Variants in GRIK5 observed in about 807,000 individuals in gnomAD.
GRIK5 encodes the protein glutamate receptor ionotropic, kainate 5.
A neutral mutation model predicts 97.4 loss-of-function variants in GRIK5; 43 were observed. That is an observed-to-expected ratio of 0.44 (90% CI 0.35 to 0.57). GRIK5 has a LOEUF of 0.57. GRIK5 is among the 20% of genes least tolerant of loss of function. GRIK5 has a pLI of 0.01. For missense variants in GRIK5, 1,015 were observed against 1,382.0 expected (o/e 0.73, Z 4.21); for synonymous variants, 580 against 583.5 (o/e 0.99, Z 0.09).
chr19:42,062,701 C>T lies in GRIK5; in HGVS notation c.343-48G>A, dbSNP rs2076275857. On this transcript the variant is annotated intron_variant, in intron 4 of 19. Coordinates refer to ENST00000593562, the MANE Select transcript of GRIK5 (RefSeq NM_002088.5). The surrounding 1 kb of genome is among the most constrained non-coding windows in gnomAD (Gnocchi z 5.3). ...CCTCCATCCTGCTTCTCCGCCCAGC[C>T]CTCGCCTCCCAGGGACCCGCTCCCC... 1.2e-6 allele frequency: 2 copies of T among 1,613,328 alleles called. No homozygotes were observed. The highest frequency in any genetic ancestry group is 4.5e-5 in the East Asian group (2 of 44,864).
At chr19:42,056,579 T>G in intron 8 of GRIK5, 83 bp downstream of exon 8, 113 of 1,208,478 alleles carry the variant, frequency 9.4e-5, no homozygotes, top group Non-Finnish European at 1.3e-4. Context: ...GTTCTGAGCA[T>G]GATCTGAGTG....
In GRIK5 at chr19:42,042,800, T is replaced by C. The variant is rs1311637092; in HGVS notation, c.1270-45A>G. ...CAGGGGTCAGAGGCTGGGTGTCTAG[T>C]GGCTGGGTTGCGGATCCTGGAGCCC... On this transcript the variant is annotated intron_variant, in intron 11 of 19. Coordinates refer to ENST00000593562, the MANE Select transcript of GRIK5 (RefSeq NM_002088.5). The surrounding 1 kb of genome is among the most constrained non-coding windows in gnomAD (Gnocchi z 6.9). 1.3e-6 allele frequency: 2 copies of C among 1,518,336 alleles called. No homozygotes were observed. Among genetic ancestry groups the C allele is most frequent in the East Asian group, 2.3e-5 (1 of 43,636 alleles). 94.1% of individuals were successfully genotyped at this position (1,518,336 alleles called of 1,614,324 possible). A position where few individuals can be genotyped will look rare whatever the true frequency, so the allele number is the denominator to read the frequency against.
chr19:42,065,324 C>T lies in GRIK5; in HGVS notation c.143G>A (p.Arg48Gln). 3.7e-6 allele frequency: 6 copies of T among 1,611,568 alleles called. No individual in the cohort carries two copies. The highest frequency in any genetic ancestry group is 2.2e-5 in the South Asian group (2 of 90,978). Residue 48 changes from arginine to glutamine, a missense_variant, in exon 3 of 20, where the codon CGG becomes CAG. By Grantham distance (43) the Arg-to-Gln change is conservative (BLOSUM62 1). Coordinates refer to ENST00000593562, the MANE Select transcript of GRIK5 (RefSeq NM_002088.5). This position sits in a 1 kb window ranked among gnomAD's most constrained non-coding sequence, Gnocchi z 5.8. ...RGERLALALA[R>Q]EQINGIIEVP... ...CTCGATGATCCCGTTGATCTGCTCC[C>T]GGGCCAAGGCCAAGGCCAGACGCTC...
Position 41,998,891 on chromosome 19 carries a change from C to A in GRIK5, c.2923G>T (p.Glu975Ter). ...RPRPGPAGPR[E>*]LAEHE ...CGTGGTCACTCGTGCTCCGCCAGCTCCCGGGGGCCGGCGGGGCCAGGCCGC... is the reference window on the plus strand; with the variant it reads ...CGTGGTCACTCGTGCTCCGCCAGCTACCGGGGGCCGGCGGGGCCAGGCCGC... Residue 975 changes from glutamate (E) to a stop codon, truncating the protein, a stop_gained, in exon 20 of 20, where the codon GAG becomes TAG. Transcript: ENST00000593562. LOFTEE classifies it high-confidence loss of function. 8.9e-7 allele frequency: 1 copy of A among 1,119,962 alleles called. No individual in the cohort carries two copies. The highest frequency in any genetic ancestry group is 4.3e-5 in the South Asian group (1 of 23,284). 69.4% of individuals were successfully genotyped at this position (1,119,962 alleles called of 1,614,324 possible).
At chr19:42,018,904 C>T (rs575787018) in intron 15 of GRIK5, among the ~76,000 whole-genome samples, 13 of 152,202 alleles carry the variant, frequency 8.5e-5, no homozygotes, top group Admixed American at 7.8e-4. Context: ...CCCACGAGGG[C>T]GGGGACTGGC....
chr19:42,012,866 CAA>C (rs57198505), intron 15 of GRIK5, among the ~76,000 whole-genome samples: 9 of 104,592 alleles, frequency 8.6e-5, no homozygotes, highest in Non-Finnish European at 1.2e-4. Context: ...GATATTGCCT[CAA>C]AAAAAAAAAA....
Position 42,003,697 on chromosome 19 carries a change from C to A in GRIK5, c.2264-14G>T. On this transcript the variant is annotated splice_polypyrimidine_tract_variant and intron_variant, in intron 17 of 19. Coordinates refer to ENST00000593562, the MANE Select transcript of GRIK5 (RefSeq NM_002088.5). The surrounding 1 kb of genome is among the most constrained non-coding windows in gnomAD (Gnocchi z 4.2). ...GGAACGGGGAGCCTGGGCAGGCACA[C>A]GAGGGGCTGGACCAGCCATCGGGCC... 1 of 1,600,814 alleles carries A rather than the reference C, an allele frequency of 6.2e-7. No individual in the cohort carries two copies. The highest frequency in any genetic ancestry group is 8.5e-7 in the Non-Finnish European group (1 of 1,173,414).
Position 41,999,400 on chromosome 19 carries a change from G to T in GRIK5, c.2515-101C>A. On this transcript the variant is annotated intron_variant, in intron 19 of 19. Coordinates refer to ENST00000593562, the MANE Select transcript of GRIK5 (RefSeq NM_002088.5). This position sits in a 1 kb window ranked among gnomAD's most constrained non-coding sequence, Gnocchi z 5.0. ...TCCTCCTCCTCCTTTCCTCGCCCGGGTCTTTCTTCCTTCTGCCCTCGCTTC... is the reference window on the plus strand; with the variant it reads ...TCCTCCTCCTCCTTTCCTCGCCCGGTTCTTTCTTCCTTCTGCCCTCGCTTC... The T allele has an allele frequency of 2.2e-6, 2 of 912,746 alleles. No homozygotes were observed. Among genetic ancestry groups the T allele is most frequent in the Non-Finnish European group, 3.1e-6 (2 of 636,640 alleles). The allele number at this position is 912,746 out of a possible 1,614,324, so 56.5% of individuals were successfully genotyped here. A position where few individuals can be genotyped will look rare whatever the true frequency, so the allele number is the denominator to read the frequency against.
At position 42,006,143 on chromosome 19, in the gene GRIK5, C is replaced by A. The variant is rs1374714797; in HGVS notation, c.2038-195G>T. On this transcript the variant is annotated intron_variant, in intron 16 of 19. Transcript: ENST00000593562. This position sits in a 1 kb window ranked among gnomAD's most constrained non-coding sequence, Gnocchi z 5.3. ...GGCCAGGTCCAAGTCATCCCCACAGCCACTGTGCCCACCACCCACCTGGGG... is the reference window on the plus strand; with the variant it reads ...GGCCAGGTCCAAGTCATCCCCACAGACACTGTGCCCACCACCCACCTGGGG... Among the ~76,000 whole-genome samples, 2 of 152,150 alleles carry A rather than the reference C, an allele frequency of 1.3e-5. No homozygotes were observed. The highest frequency in any genetic ancestry group is 1.3e-4 in the Admixed American group (2 of 15,272).
At position 42,042,906 on chromosome 19, in the gene GRIK5, T is replaced by C. The variant is rs2075997027; in HGVS notation, c.1270-151A>G. The C allele has an allele frequency of 1.6e-6, 1 of 645,028 alleles. No individual in the cohort carries two copies. Among genetic ancestry groups the C allele is most frequent in the Non-Finnish European group, 2.7e-6 (1 of 373,232 alleles). 40.0% of individuals were successfully genotyped at this position (645,028 alleles called of 1,614,324 possible). On this transcript the variant is annotated intron_variant, in intron 11 of 19. Transcript: ENST00000593562. This position sits in a 1 kb window ranked among gnomAD's most constrained non-coding sequence, Gnocchi z 6.9. ...GTACACATTTCTCACTTACAAATGCTCAGAGTGGGGAATAGACCTGAAAGC... is the reference window on the plus strand; with the variant it reads ...GTACACATTTCTCACTTACAAATGCCCAGAGTGGGGAATAGACCTGAAAGC...
Position 42,065,532 on chromosome 19 carries a change from G to T in GRIK5, c.80-145C>A. On this transcript the variant is annotated intron_variant, in intron 2 of 19. Coordinates refer to ENST00000593562, the MANE Select transcript of GRIK5 (RefSeq NM_002088.5). The surrounding 1 kb of genome is among the most constrained non-coding windows in gnomAD (Gnocchi z 5.8). ...GGATCTGAGGTTGGTGGGAGCTAGGGGTCTGGACTCCTGGGTCCTGGGGGA... is the reference window on the plus strand; with the variant it reads ...GGATCTGAGGTTGGTGGGAGCTAGGTGTCTGGACTCCTGGGTCCTGGGGGA... 1.0e-6 allele frequency: 1 copy of T among 980,198 alleles called. No homozygotes were observed. Among genetic ancestry groups the T allele is most frequent in the Non-Finnish European group, 1.5e-6 (1 of 670,016 alleles). The allele number at this position is 980,198 out of a possible 1,614,324, so 60.7% of individuals were successfully genotyped here. A position where few individuals can be genotyped will look rare whatever the true frequency, so the allele number is the denominator to read the frequency against.
chr19:42,062,059 C>T lies in GRIK5; in HGVS notation c.508+429G>A, dbSNP rs2076266486. On this transcript the variant is annotated intron_variant, in intron 5 of 19. Coordinates refer to ENST00000593562, the MANE Select transcript of GRIK5 (RefSeq NM_002088.5). The surrounding 1 kb of genome is among the most constrained non-coding windows in gnomAD (Gnocchi z 5.3). ...TTCTTCCCACACCCTTCAGGTTCAG[C>T]TTGGATGTCTCTTTCTCATAGACAC... Among the ~76,000 whole-genome samples the T allele has an allele frequency of 6.6e-6, 1 of 152,316 alleles. No individual in the cohort carries two copies. Among genetic ancestry groups the T allele is most frequent in the African/African-American group, 2.4e-5 (1 of 41,562 alleles).
intron 12 of GRIK5, among the ~76,000 whole-genome samples, chr19:42,030,450 C>T (rs1475636771): frequency 1.3e-5 from 2 of 151,804 alleles, no homozygotes. Flanking sequence ...AGCCACCGTG[C>T]CCAGCCAGGG....
At chr19:42,053,313 T>C (rs2076140047) in intron 11 of GRIK5, among the ~76,000 whole-genome samples, 1 of 152,158 alleles carries the variant, frequency 6.6e-6, no homozygotes, top group Non-Finnish European at 1.5e-5. Context: ...TTGGCAAGGG[T>C]GGCAAAACAA....
In GRIK5 at chr19:41,999,071, GC is replaced by G; in HGVS notation, c.2742del (p.Ser917AlafsTer?). ...GCGGCGGGTCGGGCTCCGCTGGGGG[GC>G]CCCGGGTCGTCCAGGAGGCGCTGCG... ...GGPQRLLDDP[G>X]PPSGARPAAP... On this transcript the variant is annotated frameshift_variant, in exon 20 of 20. Transcript: ENST00000593562. LOFTEE classifies it low-confidence loss of function (END_TRUNC). This position sits in a 1 kb window ranked among gnomAD's most constrained non-coding sequence, Gnocchi z 5.0. 3.1e-6 allele frequency: 4 copies of G among 1,294,672 alleles called. No individual in the cohort carries two copies. The highest frequency in any genetic ancestry group is 2.2e-5 in the South Asian group (1 of 44,802). 80.2% of individuals were successfully genotyped at this position (1,294,672 alleles called of 1,614,324 possible). A position where few individuals can be genotyped will look rare whatever the true frequency, so the allele number is the denominator to read the frequency against.
At chr19:42,033,304 C>A (rs186440361) in intron 12 of GRIK5, among the ~76,000 whole-genome samples, 1,219 of 100,662 alleles carry the variant, frequency 0.012, 8 homozygotes, top group Middle Eastern at 0.066. Context: ...GGCGAGAAAG[C>A]AAGACTCCGT....
At chr19:42,052,159 G>C (rs2076125094) in intron 11 of GRIK5, among the ~76,000 whole-genome samples, 1 of 152,166 alleles carries the variant, frequency 6.6e-6, no homozygotes, top group African/African-American at 2.4e-5. Context: ...GTGAACATCA[G>C]GAAGGGAAGA....
intron 5 of GRIK5, among the ~76,000 whole-genome samples, chr19:42,060,223 T>C (rs1430638381): frequency 6.6e-6 from 1 of 150,758 alleles, no homozygotes; most frequent in Non-Finnish European, 1.5e-5. Context: ...CTGGCCAATA[T>C]AGTGAGAAGC....
At chr19:42,050,527 G>A (rs1057471737) in intron 11 of GRIK5, among the ~76,000 whole-genome samples, 1 of 151,796 alleles carries the variant, frequency 6.6e-6, no homozygotes, top group South Asian at 2.1e-4. Flanking sequence ...GTGTGGTGAC[G>A]GGCGCCTGTA....
Sources: allele counts gnomAD v4.1 joint callset (sites outside exome capture counted in the v4.1 genomes callset), GRCh38; gene constraint gnomAD v4.1.1; non-coding constraint Gnocchi (gnomAD v3.1); transcripts MANE v1.5; gene names NCBI Gene and HGNC (gene_info 2026-07-23, HGNC 2026-07-21).